Variants in UNC5C observed in about 807,000 individuals in gnomAD.
UNC5C encodes netrin receptor UNC5C.
A neutral mutation model predicts 99.8 loss-of-function variants in UNC5C; 47 were observed. The observed-to-expected ratio is 0.47, with a 90% CI of 0.37 to 0.60. The LOEUF is 0.60. UNC5C is among the 20% of genes least tolerant of loss of function. UNC5C has a pLI of 0.00. For synonymous variants in UNC5C, 487 were observed against 452.2 expected, an observed-to-expected ratio of 1.08 and a Z score of -0.98; for missense variants, 1,062 against 1,165.9, an observed-to-expected ratio of 0.91 and a Z score of 1.30.
At chr4:95,491,782 T>C (rs181372323) in intron 1 of UNC5C, among the ~76,000 whole-genome samples, 198 of 151,768 alleles carry the variant, frequency 1.3e-3, no homozygotes, top group African/African-American at 4.3e-3. Context: ...TGTTTATTTA[T>C]TTTTTACTAA....
intron 6 of UNC5C, 40 bp downstream of exon 6, chr4:95,244,937 T>C: frequency 6.2e-7 from 1 of 1,609,682 alleles, no homozygotes; most frequent in South Asian, 1.1e-5. Flanking sequence ...GTTTCTTGAA[T>C]AATAGGAGAT....
At chr4:95,302,151 T>C (rs1029447947) in intron 2 of UNC5C, among the ~76,000 whole-genome samples, 33 of 152,332 alleles carry the variant, frequency 2.2e-4, no homozygotes, top group African/African-American at 7.7e-4. Flanking sequence ...TTTACAAAGC[T>C]AAAACCAACA....
chr4:95,520,895 G>A (rs7434965), intron 1 of UNC5C, among the ~76,000 whole-genome samples: 64,343 of 151,800 alleles, frequency 0.42, 13,891 homozygotes, highest in South Asian at 0.54. Context: ...CACCGCGCCC[G>A]GCCTAGTATA....
intron 1 of UNC5C, among the ~76,000 whole-genome samples, chr4:95,344,486 A>G (rs1274790032): frequency 2.0e-5 from 3 of 152,112 alleles, no homozygotes; most frequent in Non-Finnish European, 2.9e-5. Context: ...ATGAGCAATA[A>G]GAAATTATCT....
intron 1 of UNC5C, among the ~76,000 whole-genome samples, chr4:95,507,343 A>T (rs1721951004): frequency 6.6e-6 from 1 of 151,916 alleles, no homozygotes; most frequent in Admixed American, 6.6e-5. Context: ...CTCTGGAATG[A>T]CTCACTGAAT....
chr4:95,467,109 G>A (rs1034787783), intron 1 of UNC5C, among the ~76,000 whole-genome samples: 11 of 152,090 alleles, frequency 7.2e-5, no homozygotes, highest in Non-Finnish European at 1.5e-4. Context: ...TCCAGCCCTG[G>A]TCAAGCTTTC....
At chr4:95,487,731 T>C (rs1721366588) in intron 1 of UNC5C, among the ~76,000 whole-genome samples, 1 of 151,720 alleles carries the variant, frequency 6.6e-6, no homozygotes, top group Non-Finnish European at 1.5e-5. Flanking sequence ...ATTAAGAAAA[T>C]ACACGTAAGT....
At chr4:95,284,196 C>A (rs1334498349) in intron 3 of UNC5C, among the ~76,000 whole-genome samples, 3 of 151,988 alleles carry the variant, frequency 2.0e-5, no homozygotes. Flanking sequence ...TGGCATTCTG[C>A]AAACATTAGC....
intron 10 of UNC5C, among the ~76,000 whole-genome samples, chr4:95,207,798 GAA>G (rs2149362838): frequency 6.6e-6 from 1 of 152,266 alleles, no homozygotes; most frequent in East Asian, 1.9e-4. Context: ...GACACATCCA[GAA>G]TTGTTCCATT....
Position 95,242,561 on chromosome 4 carries a change from A to T in UNC5C, c.976T>A (p.Ser326Thr), listed in dbSNP as rs1243382118. Residue 326 changes from serine (S) to threonine (T), a missense_variant, in exon 7 of 16, where the codon TCT becomes ACT. By Grantham distance (58) the Ser-to-Thr change is moderately conservative (BLOSUM62 1). Coordinates refer to ENST00000453304, the MANE Select transcript of UNC5C (RefSeq NM_003728.4). ...TGGGTGCACTCAGTTCCACAAGTAG[A>T]CCACTTGCTCCATGGCGTCCACCTG... Reference protein sequence around the residue: ...DGRWTPWSKWSTCGTECTHWR... With the variant: ...DGRWTPWSKWTTCGTECTHWR... The T allele has an allele frequency of 6.2e-7, 1 of 1,603,730 alleles. No homozygotes were observed. The highest frequency in any genetic ancestry group is 1.1e-5 in the South Asian group (1 of 89,546).
chr4:95,192,997 G>T (rs541588162), intron 12 of UNC5C, among the ~76,000 whole-genome samples: 2 of 152,308 alleles, frequency 1.3e-5, no homozygotes, highest in African/African-American at 2.4e-5. Context: ...AAGGATGAAA[G>T]AAATGATTAA....
At chr4:95,390,680 T>C (rs1221283868) in intron 1 of UNC5C, among the ~76,000 whole-genome samples, 2 of 152,188 alleles carry the variant, frequency 1.3e-5, no homozygotes, top group African/African-American at 4.8e-5. Context: ...CATAATGCTT[T>C]ACATTTTCCA....
intron 1 of UNC5C, among the ~76,000 whole-genome samples, chr4:95,487,521 T>C (rs892024504): frequency 6.6e-6 from 1 of 151,600 alleles, no homozygotes; most frequent in Non-Finnish European, 1.5e-5. Flanking sequence ...AACTGCTTTT[T>C]GCCTAATTCA....
At chr4:95,183,200 C>G in intron 13 of UNC5C, 139 bp from the exon 14 acceptor site, 1 of 775,762 alleles carries the variant, frequency 1.3e-6, no homozygotes, top group Non-Finnish European at 2.0e-6. Flanking sequence ...TTAAGTACAT[C>G]CTGGACCCTT....
At position 95,458,764 on chromosome 4, in the gene UNC5C, T is replaced by C. The variant is rs191862006; in HGVS notation, c.124+89970A>G. Among the ~76,000 whole-genome samples, 131 of 152,156 alleles carry C rather than the reference T, an allele frequency of 8.6e-4. 1 individual carries two copies. Among genetic ancestry groups the C allele is most frequent in the Admixed American group, 7.3e-3 (111 of 15,270 alleles). On this transcript the variant is annotated intron_variant, in intron 1 of 15. Coordinates refer to ENST00000453304, the MANE Select transcript of UNC5C (RefSeq NM_003728.4). Reference sequence around the variant, plus strand: ...TGAGTACTTCCTATAGCTTTGCATATGCCTACTCTTTTAATCCCCATAATG... The same window carrying C: ...TGAGTACTTCCTATAGCTTTGCATACGCCTACTCTTTTAATCCCCATAATG...
chr4:95,179,235 A>AT (rs1252825439), intron 14 of UNC5C, among the ~76,000 whole-genome samples: 1 of 152,196 alleles, frequency 6.6e-6, no homozygotes, highest in Non-Finnish European at 1.5e-5. Context: ...GAAAAACTAG[A>AT]TTTTCCCAAT....
chr4:95,386,256 T>C (rs553097994), intron 1 of UNC5C, among the ~76,000 whole-genome samples: 1 of 152,274 alleles, frequency 6.6e-6, no homozygotes, highest in African/African-American at 2.4e-5. Context: ...TTAGGGTACA[T>C]GTGCACATTG....
At chr4:95,488,830 A>G (rs2626048) in intron 1 of UNC5C, among the ~76,000 whole-genome samples, 15,793 of 151,690 alleles carry the variant, frequency 0.1, 1,298 homozygotes, top group African/African-American at 0.22. Context: ...TTTAGATAAA[A>G]ATAATGTTAG....
rs567213396 is a variant in UNC5C, at chr4:95,310,830, G to A, written c.347-9081C>T. 3.3e-5 allele frequency among the ~76,000 whole-genome samples: 5 copies of A among 152,218 alleles called. No individual in the cohort carries two copies. In the East Asian group the frequency reaches 9.7e-4, roughly 29 times the overall value. ...TGGGGGGGGATTTCTAGTGCTTCTAGAAAGCTCTATGACAACTATAGATCA... is the reference window on the plus strand; with the variant it reads ...TGGGGGGGGATTTCTAGTGCTTCTAAAAAGCTCTATGACAACTATAGATCA... On this transcript the variant is annotated intron_variant, in intron 2 of 15. Transcript: ENST00000453304.
Sources: gnomAD v4.1 joint callset for allele counts (sites outside exome capture counted in the v4.1 genomes callset) on GRCh38, gnomAD v4.1.1 for gene constraint, MANE v1.5 for transcripts, NCBI Gene and HGNC (gene_info 2026-07-23, HGNC 2026-07-21) for gene names.